The following ZNF652 variants were observed in gnomAD, a reference collection of about 807,000 sequenced individuals.
The protein encoded by ZNF652 is zinc finger protein 652.
Under a neutral mutation model 45.2 loss-of-function variants are expected in ZNF652, and 16 were observed. The observed-to-expected ratio is 0.35, with a 90% CI of 0.24 to 0.54. The LOEUF (loss-of-function observed/expected upper bound fraction) is 0.54, where lower values mean the gene tolerates loss of function less well. Ranked by LOEUF, ZNF652 falls within the 20% of genes least tolerant of loss-of-function variation. The probability of loss-of-function intolerance (pLI) is 0.91; values close to 1 mark genes in which losing one functional copy is unlikely to be tolerated. For missense variants in ZNF652, 614 were observed against 765.6 expected (o/e 0.80, Z 2.34); for synonymous variants, 250 against 260.6 (o/e 0.96, Z 0.39).
chr17:49,337,796 C>T (rs1332915738), intron 1 of ZNF652, among the ~76,000 whole-genome samples: 2 of 152,068 alleles, frequency 1.3e-5, no homozygotes, highest in African/African-American at 2.4e-5. Context: ...CGCTGTCTGT[C>T]CAATTCCTAC....
chr17:49,348,479 AAAAAGAAAAGAAAAG>A (rs55939949), intron 1 of ZNF652, among the ~76,000 whole-genome samples: 4,843 of 111,830 alleles, frequency 0.043, 203 homozygotes, highest in African/African-American at 0.11. Flanking sequence ...CCTTGCCTCA[AAAAAGAAAAGAAAAG>A]AAAAGAAAAG....
intron 2 of ZNF652, among the ~76,000 whole-genome samples, chr17:49,315,544 TAAAC>T (rs1448987940): frequency 1.4e-5 from 2 of 142,418 alleles, no homozygotes; most frequent in Non-Finnish European, 3.0e-5. Context: ...TTCTGTAACT[TAAAC>T]AGACTTAAGT....
chr17:49,350,158 C>T (rs1396850803), intron 1 of ZNF652, among the ~76,000 whole-genome samples: 1 of 151,722 alleles, frequency 6.6e-6, no homozygotes, highest in Non-Finnish European at 1.5e-5. Flanking sequence ...ATGACTTTAA[C>T]AAAAGAAACC....
chr17:49,308,674 C>A (rs1205225015), intron 5 of ZNF652, among the ~76,000 whole-genome samples: 1 of 151,860 alleles, frequency 6.6e-6, no homozygotes, highest in Non-Finnish European at 1.5e-5. Context: ...CGGTGGTGCG[C>A]ACCTGTAGTC....
chr17:49,328,348 G>T (rs918654626), intron 1 of ZNF652, among the ~76,000 whole-genome samples: 4 of 152,030 alleles, frequency 2.6e-5, no homozygotes, highest in African/African-American at 9.7e-5. Context: ...TGACAGGAAT[G>T]AAACCATGTG....
chr17:49,346,095 A>C (rs2070202442), intron 1 of ZNF652, among the ~76,000 whole-genome samples: 1 of 152,202 alleles, frequency 6.6e-6, no homozygotes. Flanking sequence ...TGGTCTCAGG[A>C]GGCTTACAGT....
intron 1 of ZNF652, among the ~76,000 whole-genome samples, chr17:49,335,808 C>A (rs1454070524): frequency 6.6e-6 from 1 of 152,160 alleles, no homozygotes; most frequent in East Asian, 1.9e-4. Flanking sequence ...GACCCCACAA[C>A]CTTAACCATG....
chr17:49,317,889 A>C lies in ZNF652; in HGVS notation c.-164T>G. 3 of 768,536 alleles carry C rather than the reference A, an allele frequency of 3.9e-6. No homozygotes were observed. The highest frequency in any genetic ancestry group is 5.8e-6 in the Non-Finnish European group (3 of 513,604). The allele number at this position is 768,536 out of a possible 1,614,324, so 47.6% of individuals were successfully genotyped here. On this transcript the variant is annotated 5_prime_UTR_variant, in exon 2 of 6. Coordinates refer to ENST00000430262, the MANE Select transcript of ZNF652 (RefSeq NM_001145365.3). ...CAATTCTTCCAGTGTTGCAGCACCA[A>C]AGCATGAGTCAAAAAGGTTTGGTAT...
chr17:49,320,334 T>C (rs947756326), intron 1 of ZNF652, among the ~76,000 whole-genome samples: 4 of 152,242 alleles, frequency 2.6e-5, no homozygotes, highest in African/African-American at 4.8e-5. Context: ...TAATAAATGC[T>C]ACCATGTTTT....
At chr17:49,325,885 G>T (rs367706014) in intron 1 of ZNF652, among the ~76,000 whole-genome samples, 4 of 152,046 alleles carry the variant, frequency 2.6e-5, no homozygotes, top group African/African-American at 9.7e-5. Context: ...ACAAATTCTA[G>T]CAGAGTTGAA....
At chr17:49,310,380 G>A (rs2069693205) in intron 5 of ZNF652, among the ~76,000 whole-genome samples, 2 of 152,214 alleles carry the variant, frequency 1.3e-5, no homozygotes, top group African/African-American at 4.8e-5. Context: ...GCTAATCCCA[G>A]AATATCAAGT....
At chr17:49,339,594 T>C (rs1236198919) in intron 1 of ZNF652, among the ~76,000 whole-genome samples, 6 of 152,174 alleles carry the variant, frequency 3.9e-5, no homozygotes, top group Non-Finnish European at 7.3e-5. Flanking sequence ...TCATTCAAAA[T>C]GAAGCTGCTA....
chr17:49,309,095 G>C (rs1567917613), intron 5 of ZNF652, among the ~76,000 whole-genome samples: 1 of 152,188 alleles, frequency 6.6e-6, no homozygotes, highest in Admixed American at 6.5e-5. Context: ...TGCAGAGGCA[G>C]AGACTTAAGT....
At chr17:49,339,232 C>CA (rs2070116827) in intron 1 of ZNF652, among the ~76,000 whole-genome samples, 1 of 130,626 alleles carries the variant, frequency 7.7e-6, no homozygotes, top group African/African-American at 2.9e-5. Flanking sequence ...GACGTAGTCT[C>CA]ACTCTGTCGC....
At chr17:49,305,509 C>T (rs180957025) in intron 5 of ZNF652, among the ~76,000 whole-genome samples, 47 of 151,874 alleles carry the variant, frequency 3.1e-4, no homozygotes, top group Non-Finnish European at 5.0e-4. Context: ...TGATACAAAA[C>T]GCAAGTAAAG....
chr17:49,293,217 A>T lies in ZNF652; in HGVS notation c.*5196T>A, dbSNP rs1337111247. ...AGATTCTATCTAGTGAACAAGAAACAGTTTGTTTTCCAAATATGTATGTCT... is the reference window on the plus strand; with the variant it reads ...AGATTCTATCTAGTGAACAAGAAACTGTTTGTTTTCCAAATATGTATGTCT... On this transcript the variant is annotated 3_prime_UTR_variant, in exon 6 of 6. Coordinates refer to ENST00000430262, the MANE Select transcript of ZNF652 (RefSeq NM_001145365.3). Among the ~76,000 whole-genome samples the T allele has an allele frequency of 6.6e-6, 1 of 152,236 alleles. No individual in the cohort carries two copies. Among genetic ancestry groups the T allele is most frequent in the African/African-American group, 2.4e-5 (1 of 41,468 alleles).
At chr17:49,307,884 C>A (rs1211007390) in intron 5 of ZNF652, among the ~76,000 whole-genome samples, 1 of 152,020 alleles carries the variant, frequency 6.6e-6, no homozygotes, top group Non-Finnish European at 1.5e-5. Context: ...AATATTATAG[C>A]AAATTTATAA....
chr17:49,327,325 G>C (rs780973464), intron 1 of ZNF652, among the ~76,000 whole-genome samples: 1 of 151,760 alleles, frequency 6.6e-6, no homozygotes, highest in African/African-American at 2.4e-5. Flanking sequence ...ACCACACCCA[G>C]CTAATTTTTG....
downstream of ZNF652, among the ~76,000 whole-genome samples, chr17:49,288,821 T>G (rs767276424): frequency 6.6e-6 from 1 of 152,208 alleles, no homozygotes. Context: ...GACTGTACTT[T>G]GTAAGCTGTT....
Sources: allele counts gnomAD v4.1 joint callset (sites outside exome capture counted in the v4.1 genomes callset), GRCh38; gene constraint gnomAD v4.1.1; transcripts MANE v1.5; gene names NCBI Gene and HGNC (gene_info 2026-07-23, HGNC 2026-07-21).